PTPN5: variants seen among roughly 807,000 people sequenced by gnomAD.
The protein encoded by PTPN5 is tyrosine-protein phosphatase non-receptor type 5.
Under a neutral mutation model 73.9 loss-of-function variants are expected in PTPN5, and 29 were observed. That is an observed-to-expected ratio of 0.39 (90% CI 0.29 to 0.54). The LOEUF (loss-of-function observed/expected upper bound fraction) is 0.54. Ranked by LOEUF, PTPN5 falls within the 20% of genes least tolerant of loss-of-function variation. The pLI is 0.65. For synonymous variants in PTPN5, 267 were observed against 304.7 expected (o/e 0.88, Z 1.29); for missense variants, 652 against 751.4 (o/e 0.87, Z 1.55).
intron 3 of PTPN5, among the ~76,000 whole-genome samples, chr11:18,744,981 C>T (rs1382128578): frequency 6.6e-6 from 1 of 152,242 alleles, no homozygotes; most frequent in Non-Finnish European, 1.5e-5. Context: ...AGGGCAGAAG[C>T]TCTGCCTGTC....
At chr11:18,759,513 C>CA (rs1334524366) in intron 3 of PTPN5, among the ~76,000 whole-genome samples, 1 of 152,184 alleles carries the variant, frequency 6.6e-6, no homozygotes, top group East Asian at 1.9e-4. Context: ...TATTGCTGAC[C>CA]AGTGGGCACC....
At position 18,730,288 on chromosome 11, in the gene PTPN5, T is replaced by C. The variant is rs139165816; in HGVS notation, c.1330-470A>G. 1,117 of 244,818 alleles carry C rather than the reference T, an allele frequency of 4.6e-3. 13 individuals carry two copies. The highest frequency in any genetic ancestry group is 0.023 in the African/African-American group (1,038 of 44,952). The allele number at this position is 244,818 out of a possible 1,614,324, so 15.2% of individuals were successfully genotyped here. A position where few individuals can be genotyped will look rare whatever the true frequency, so the allele number is the denominator to read the frequency against. On this transcript the variant is annotated intron_variant, in intron 12 of 14. Transcript: ENST00000358540. Reference sequence around the variant, plus strand: ...TTTACCACCTCTTCACACTCCCCGCTTCACTGCCACCTTGACCTTTATCAT... The same window carrying C: ...TTTACCACCTCTTCACACTCCCCGCCTCACTGCCACCTTGACCTTTATCAT...
intron 1 of PTPN5, among the ~76,000 whole-genome samples, chr11:18,780,029 C>T (rs148204534): frequency 2.1e-4 from 32 of 152,268 alleles, no homozygotes; most frequent in Admixed American, 2.0e-3. Flanking sequence ...TGACCTGGCT[C>T]GAAGCTTCAC....
At chr11:18,754,349 T>C (rs924598868) in intron 3 of PTPN5, among the ~76,000 whole-genome samples, 1 of 152,218 alleles carries the variant, frequency 6.6e-6, no homozygotes, top group Admixed American at 6.5e-5. Flanking sequence ...GAAAGACTCA[T>C]GGACTGAGCT....
chr11:18,782,373 G>A (rs1372996561), intron 1 of PTPN5, among the ~76,000 whole-genome samples: 1 of 151,970 alleles, frequency 6.6e-6, no homozygotes, highest in East Asian at 1.9e-4. Flanking sequence ...GACTACAGGT[G>A]TGTACCACCA....
rs779192941 is a variant in PTPN5, at chr11:18,729,444, T to C, written c.1604+9A>G. 23 of 1,374,074 alleles carry C rather than the reference T, an allele frequency of 1.7e-5. No homozygotes were observed. In the East Asian group the frequency reaches 5.2e-4, roughly 31 times the overall value. 85.1% of individuals were successfully genotyped at this position (1,374,074 alleles called of 1,614,324 possible). A position where few individuals can be genotyped will look rare whatever the true frequency, so the allele number is the denominator to read the frequency against. On this transcript the variant is annotated intron_variant, in intron 14 of 14. Transcript: ENST00000358540. The surrounding 1 kb of genome is among the most constrained non-coding windows in gnomAD (Gnocchi z 5.2). ...CCTTGTGTGTCCCCACTCCCGCCCG[T>C]GGGCTGACCTGTCCTGACGGAGCTG...
chr11:18,758,670 G>C (rs2134275962), intron 3 of PTPN5, among the ~76,000 whole-genome samples: 1 of 78,386 alleles, frequency 1.3e-5, no homozygotes, highest in South Asian at 8.1e-4. Context: ...TCAATGGAAG[G>C]ATGAGTTTTT....
In PTPN5 at chr11:18,783,336, C is replaced by T. The variant is rs541807375; in HGVS notation, c.-114+8189G>A. On this transcript the variant is annotated intron_variant, in intron 1 of 14. Transcript: ENST00000358540. ...TAGAGTCCCTGGAAGCAGGGCTGAA[C>T]GCTACTGCTGCTACTATAGGAAAGC... 4.6e-5 allele frequency among the ~76,000 whole-genome samples: 7 copies of T among 152,322 alleles called. No homozygotes were observed. In the East Asian group the frequency reaches 5.8e-4, roughly 13 times the overall value.
In PTPN5 at chr11:18,733,407, A is replaced by C. The variant is rs1848979798; in HGVS notation, c.1081-35T>G. The C allele has an allele frequency of 1.2e-6, 2 of 1,610,898 alleles. No homozygotes were observed. Among genetic ancestry groups the C allele is most frequent in the Admixed American group, 1.7e-5 (1 of 59,970 alleles). The stretch of plus-strand genomic sequence containing the variant: ...GCCAAGTCCAGGCTGTCAGGGTCAG[A>C]GGCAGTGCTCCCAGGACCCCATCCC... On this transcript the variant is annotated intron_variant, in intron 10 of 14. Transcript: ENST00000358540. This position sits in a 1 kb window ranked among gnomAD's most constrained non-coding sequence, Gnocchi z 4.3.
chr11:18,750,747 C>T (rs1849850842), intron 3 of PTPN5, among the ~76,000 whole-genome samples: 2 of 152,158 alleles, frequency 1.3e-5, no homozygotes, highest in Non-Finnish European at 2.9e-5. Flanking sequence ...TCAATAGTCA[C>T]AACTGTGCTG....
intron 3 of PTPN5, among the ~76,000 whole-genome samples, chr11:18,752,026 T>C (rs978569665): frequency 6.6e-6 from 1 of 151,904 alleles, no homozygotes; most frequent in African/African-American, 2.4e-5. Context: ...AGGACAGGAG[T>C]TCGAGACCAG....
In PTPN5 at chr11:18,746,192, TAC is replaced by T. The variant is rs1554916254; in HGVS notation, c.98-1995_98-1994del. On this transcript the variant is annotated intron_variant, in intron 3 of 14. Coordinates refer to ENST00000358540, the MANE Select transcript of PTPN5 (RefSeq NM_006906.2). ...ATATATATATATATATATATATATA[TAC>T]ATTTTTTTTTTTTTTGAGATGGAGT... 3.9e-5 allele frequency among the ~76,000 whole-genome samples: 4 copies of T among 102,816 alleles called. No homozygotes were observed. In the South Asian group the frequency reaches 1.0e-3, roughly 26 times the overall value. 67.5% of individuals were successfully genotyped at this position (102,816 alleles called of 152,430 possible).
At chr11:18,775,449 T>G (rs1345300117) in intron 1 of PTPN5, among the ~76,000 whole-genome samples, 1 of 152,196 alleles carries the variant, frequency 6.6e-6, no homozygotes, top group Non-Finnish European at 1.5e-5. Context: ...GCCTGTGTCC[T>G]TGCTTGGGAT....
In PTPN5 at chr11:18,742,344, G is replaced by C; in HGVS notation, c.643C>G (p.Pro215Ala). The change falls in exon 7 of 15, where the codon CCT becomes GCT. Residue 215 changes from proline (P) to alanine (A), a missense_variant. This residue lies in a region of PTPN5 where 529 missense variants were observed against 573.9 expected (regional missense o/e 0.92). Transcript: ENST00000358540. The surrounding 1 kb of genome is among the most constrained non-coding windows in gnomAD (Gnocchi z 4.1). ...ATGTCCATCACACAATCAAACACAG[G>C]AGTCTCGGGCACCGGGTCGAGGTCC... ...FLDLDPVPET[P>A]VFDCVMDIKP... 6.2e-7 allele frequency: 1 copy of C among 1,614,112 alleles called. No homozygotes were observed. The highest frequency in any genetic ancestry group is 8.5e-7 in the Non-Finnish European group (1 of 1,180,020).
intron 1 of PTPN5, among the ~76,000 whole-genome samples, chr11:18,788,936 C>A (rs529744113): frequency 8.1e-4 from 124 of 152,312 alleles, no homozygotes; most frequent in African/African-American, 2.9e-3. Context: ...ACACTACATA[C>A]AAATTAATTA....
chr11:18,770,951 G>A (rs1003369895), intron 2 of PTPN5, among the ~76,000 whole-genome samples: 13 of 152,098 alleles, frequency 8.5e-5, no homozygotes, highest in Admixed American at 2.0e-4. Flanking sequence ...GGGGGATGGG[G>A]GGTGCTATTA....
At position 18,742,425 on chromosome 11, in the gene PTPN5, G is replaced by T; in HGVS notation, c.562C>A (p.Gln188Lys). The change falls in exon 7 of 15, where the codon CAG becomes AAG. Residue 188 changes from glutamine to lysine, a missense_variant. Transcript: ENST00000358540. This position sits in a 1 kb window ranked among gnomAD's most constrained non-coding sequence, Gnocchi z 4.1. ...CACTCTGAGTAGGTGAAGGAGGGCTGGCGGCTCACTGACTGGCGCCTGTCC... is the reference window on the plus strand; with the variant it reads ...CACTCTGAGTAGGTGAAGGAGGGCTTGCGGCTCACTGACTGGCGCCTGTCC... ...PEDRRQSVSR[Q>K]PSFTYSEWME... The T allele has an allele frequency of 6.2e-7, 1 of 1,614,168 alleles. No individual in the cohort carries two copies. The highest frequency in any genetic ancestry group is 1.1e-5 in the South Asian group (1 of 91,080).
chr11:18,733,498 G>A lies in PTPN5; in HGVS notation c.1080+58C>T. 6.2e-7 allele frequency: 1 copy of A among 1,612,318 alleles called. No individual in the cohort carries two copies. The highest frequency in any genetic ancestry group is 1.7e-5 in the Admixed American group (1 of 60,026). ...GGTGTAGGGACAAGGCTGGAGGATG[G>A]ATCCCATCGACTCAGGCCTCCCCTT... is the stretch of plus-strand genomic sequence containing the variant. On this transcript the variant is annotated intron_variant, in intron 10 of 14. Coordinates refer to ENST00000358540, the MANE Select transcript of PTPN5 (RefSeq NM_006906.2). This position sits in a 1 kb window ranked among gnomAD's most constrained non-coding sequence, Gnocchi z 4.3.
intron 3 of PTPN5, among the ~76,000 whole-genome samples, chr11:18,745,830 T>C (rs1011046294): frequency 5.9e-5 from 9 of 152,192 alleles, no homozygotes; most frequent in African/African-American, 1.9e-4. Flanking sequence ...TTAACAGAGC[T>C]GCCCAAGGTT....
Sources: allele counts gnomAD v4.1 joint callset (sites outside exome capture counted in the v4.1 genomes callset), GRCh38; gene constraint gnomAD v4.1.1; regional missense constraint gnomAD v4.1.1; non-coding constraint Gnocchi (gnomAD v3.1); transcripts MANE v1.5; gene names NCBI Gene and HGNC (gene_info 2026-07-23, HGNC 2026-07-21).